Variants in JADE3 observed in about 807,000 individuals in gnomAD.
JADE3 encodes protein Jade-3.
In JADE3, 2 loss-of-function variants were observed where a neutral mutation model predicts 50.1. That is an observed-to-expected ratio of 0.04 (90% CI 0.02 to 0.13). The LOEUF is 0.13. Among genes scored for constraint, JADE3 ranks in the 10% least tolerant of loss-of-function variants. The pLI is 1.00. For missense variants in JADE3, 475 were observed against 634.4 expected (o/e 0.75, Z 2.70); for synonymous variants, 218 against 232.9 (o/e 0.94, Z 0.58).
chrX:46,920,650 A>G (rs1469047251), intron 1 of JADE3, among the ~76,000 whole-genome samples: 1 of 112,645 alleles, frequency 8.9e-6, no homozygotes, highest in Non-Finnish European at 1.9e-5. Flanking sequence ...CTACCATTTT[A>G]TATTCTCCTG....
intron 1 of JADE3, among the ~76,000 whole-genome samples, chrX:46,946,013 A>G (rs1356547333): frequency 3.6e-5 from 4 of 111,982 alleles, no homozygotes; most frequent in African/African-American, 1.3e-4. Flanking sequence ...TAGTGCATAC[A>G]TTCCTGTTGG....
At chrX:46,917,014 G>A (rs900715158) in intron 1 of JADE3, among the ~76,000 whole-genome samples, 1 of 111,712 alleles carries the variant, frequency 9.0e-6, no homozygotes, top group South Asian at 3.7e-4. Flanking sequence ...CAGGCTGTGA[G>A]GTCAGGCCAA....
At chrX:46,985,501 G>A (rs1286350269) in intron 2 of JADE3, among the ~76,000 whole-genome samples, 1 of 111,922 alleles carries the variant, frequency 8.9e-6, no homozygotes, top group African/African-American at 3.2e-5. Flanking sequence ...CATTGTTGAA[G>A]CTTTTGCACT....
At chrX:46,923,393 C>CTTTTTTTTTTTTT (rs782555482) in intron 1 of JADE3, among the ~76,000 whole-genome samples, 546 of 11,520 alleles carry the variant, frequency 0.047, 135 homozygotes, top group South Asian at 0.094. Context: ...CTCTCTCTCT[C>CTTTTTTTTTTTTT]TTTTTTTTTT....
intron 4 of JADE3, among the ~76,000 whole-genome samples, chrX:46,998,619 A>G (rs997269687): frequency 1.1e-4 from 12 of 111,150 alleles, no homozygotes; most frequent in Admixed American, 4.8e-4. Flanking sequence ...AATTAATTAC[A>G]TAATGCCTGT....
At chrX:46,973,868 G>A (rs1313487570) in intron 1 of JADE3, among the ~76,000 whole-genome samples, 1 of 111,335 alleles carries the variant, frequency 9.0e-6, no homozygotes, top group Non-Finnish European at 1.9e-5. Flanking sequence ...ATCACCTGAG[G>A]TCAGGAGTTC....
At chrX:46,970,438 G>A (rs1168813367) in intron 1 of JADE3, among the ~76,000 whole-genome samples, 5 of 111,764 alleles carry the variant, frequency 4.5e-5, no homozygotes, top group Non-Finnish European at 9.4e-5. Context: ...TTGATCTTGG[G>A]ATTAACTCAA....
rs541520790 is a variant in JADE3, at chrX:47,057,830, C to G, written c.1562-337C>G. Reference sequence around the variant, plus strand: ...GCACAGACACACAAATAGGAAGACCCTATTCTAAACCATTGCTAGAGACAT... The same window carrying G: ...GCACAGACACACAAATAGGAAGACCGTATTCTAAACCATTGCTAGAGACAT... On this transcript the variant is annotated intron_variant, in intron 10 of 10. Coordinates refer to ENST00000614628, the MANE Select transcript of JADE3 (RefSeq NM_014735.5). Among the ~76,000 whole-genome samples, 5 of 111,929 alleles carry G rather than the reference C, an allele frequency of 4.5e-5. No homozygotes were observed. In the South Asian group the frequency reaches 1.5e-3, roughly 34 times the overall value.
At chrX:47,057,775 C>T (rs1556373642) in intron 10 of JADE3, among the ~76,000 whole-genome samples, 1 of 111,854 alleles carries the variant, frequency 8.9e-6, no homozygotes, top group Non-Finnish European at 1.9e-5. Context: ...AAGACACATA[C>T]TAAGTGCTGT....
At chrX:47,009,236 C>T (rs781809669) in intron 4 of JADE3, among the ~76,000 whole-genome samples, 3 of 110,853 alleles carry the variant, frequency 2.7e-5, no homozygotes, top group South Asian at 3.8e-4. Flanking sequence ...TTGGAAGGAT[C>T]GCTTGAGCCT....
intron 1 of JADE3, among the ~76,000 whole-genome samples, chrX:46,926,021 A>AATTTTATTTTATTTTGTTTTATTTT (rs1926354866): frequency 1.2e-5 from 1 of 80,101 alleles, no homozygotes; most frequent in Non-Finnish European, 2.3e-5. Flanking sequence ...ATGCCCAGCT[A>AATTTTATTTTATTTTGTTTTATTTT]ATTTTATTTT....
At chrX:46,970,441 T>C (rs1429478485) in intron 1 of JADE3, among the ~76,000 whole-genome samples, 15 of 112,023 alleles carry the variant, frequency 1.3e-4, no homozygotes, top group Non-Finnish European at 3.8e-5. Context: ...ATCTTGGGAT[T>C]AACTCAAACC....
chrX:46,947,529 C>G (rs1926909880), intron 1 of JADE3, among the ~76,000 whole-genome samples: 1 of 111,399 alleles, frequency 9.0e-6, no homozygotes, highest in Non-Finnish European at 1.9e-5. Context: ...CTTGTTTTTA[C>G]TAAACTGTAG....
At chrX:47,012,016 G>A (rs1556361787) in intron 4 of JADE3, among the ~76,000 whole-genome samples, 1 of 111,400 alleles carries the variant, frequency 9.0e-6, no homozygotes, top group Non-Finnish European at 1.9e-5. Context: ...ACCCTTTAAT[G>A]AATAGGGCAG....
intron 1 of JADE3, among the ~76,000 whole-genome samples, chrX:46,982,819 T>C (rs1226042306): frequency 9.0e-6 from 1 of 110,553 alleles, no homozygotes; most frequent in African/African-American, 3.3e-5. Flanking sequence ...TGTTGACTGG[T>C]TGCTCTTGTT....
At chrX:47,055,797 C>G (rs1269591224) in intron 9 of JADE3, among the ~76,000 whole-genome samples, 1 of 112,206 alleles carries the variant, frequency 8.9e-6, no homozygotes, top group Non-Finnish European at 1.9e-5. Flanking sequence ...TATTCAGCTT[C>G]CCAACCTGGC....
chrX:47,035,844 TA>T (rs1296346301), intron 7 of JADE3, among the ~76,000 whole-genome samples: 2 of 111,844 alleles, frequency 1.8e-5, no homozygotes, highest in Admixed American at 1.9e-4. Context: ...TCCATCTTTT[TA>T]AAAAACATCC....
chrX:47,048,559 T>TA (rs1929429395), intron 8 of JADE3, among the ~76,000 whole-genome samples: 1 of 112,292 alleles, frequency 8.9e-6, no homozygotes, highest in South Asian at 3.7e-4. Context: ...AAGAACATGC[T>TA]AAGTGAAAGA....
intron 1 of JADE3, among the ~76,000 whole-genome samples, chrX:46,979,368 A>G (rs1356274419): frequency 8.9e-6 from 1 of 112,214 alleles, no homozygotes; most frequent in Non-Finnish European, 1.9e-5. Flanking sequence ...AGGAGTATCC[A>G]TCTCACAAGA....
Sources: allele counts gnomAD v4.1 joint callset (sites outside exome capture counted in the v4.1 genomes callset), GRCh38; gene constraint gnomAD v4.1.1; transcripts MANE v1.5; gene names NCBI Gene and HGNC (gene_info 2026-07-23, HGNC 2026-07-21).